The following CSMD1 variants were observed in gnomAD, a reference collection of about 807,000 sequenced individuals.
CSMD1 encodes CUB and sushi domain-containing protein 1.
CSMD1 carries 213 observed loss-of-function variants against 417.5 expected under a neutral mutation model. That is an observed-to-expected ratio of 0.51 (90% CI 0.46 to 0.57). The LOEUF (loss-of-function observed/expected upper bound fraction) is 0.57, where lower values mean the gene tolerates loss of function less well. Ranked by LOEUF, CSMD1 falls within the 20% of genes least tolerant of loss-of-function variation. The pLI, the probability that CSMD1 is intolerant of heterozygous loss-of-function variation, is 0.00. For synonymous variants in CSMD1, 2,862 were observed against 1,736.8 expected (o/e 1.65, Z -16.11); for missense variants, 6,923 against 4,529.7 (o/e 1.53, Z -15.17).
intron 2 of CSMD1, among the ~76,000 whole-genome samples, chr8:4,609,385 G>A (rs920594173): frequency 4.6e-5 from 7 of 152,014 alleles, no homozygotes; most frequent in Non-Finnish European, 8.8e-5. Flanking sequence ...TGGGTGACAG[G>A]GTGAGACCCT....
chr8:4,661,743 C>A (rs1228217023), intron 1 of CSMD1, among the ~76,000 whole-genome samples: 2 of 152,066 alleles, frequency 1.3e-5, no homozygotes, highest in Non-Finnish European at 2.9e-5. Context: ...AAAATATAGA[C>A]TAAGATCAAT....
At chr8:4,154,739 G>A (rs968880129) in intron 3 of CSMD1, among the ~76,000 whole-genome samples, 1 of 152,184 alleles carries the variant, frequency 6.6e-6, no homozygotes, top group Non-Finnish European at 1.5e-5. Context: ...CCTTATGCAA[G>A]TAAGGCTAAT....
intron 8 of CSMD1, among the ~76,000 whole-genome samples, chr8:3,608,062 C>T (rs1407993641): frequency 6.6e-6 from 1 of 151,836 alleles, no homozygotes; most frequent in Non-Finnish European, 1.5e-5. Flanking sequence ...ATGCCATCTA[C>T]TCAGGAGGCT....
chr8:3,832,826 T>C (rs1239233751), intron 5 of CSMD1, among the ~76,000 whole-genome samples: 1 of 152,068 alleles, frequency 6.6e-6, no homozygotes, highest in African/African-American at 2.4e-5. Context: ...AAAATAAAAA[T>C]CAATTTGTAT....
At chr8:3,937,525 T>C (rs1463169473) in intron 5 of CSMD1, among the ~76,000 whole-genome samples, 2 of 149,652 alleles carry the variant, frequency 1.3e-5, no homozygotes, top group Non-Finnish European at 1.5e-5. Context: ...TGATTGTACA[T>C]GTTTTTAAAA....
intron 3 of CSMD1, among the ~76,000 whole-genome samples, chr8:4,085,425 G>C (rs1196478530): frequency 1.3e-5 from 2 of 152,166 alleles, no homozygotes; most frequent in African/African-American, 2.4e-5. Context: ...TGGTGATTTT[G>C]ATTATTTAGA....
intron 5 of CSMD1, among the ~76,000 whole-genome samples, chr8:3,881,546 A>C (rs1453999266): frequency 6.7e-6 from 1 of 148,750 alleles, no homozygotes; most frequent in Non-Finnish European, 1.5e-5. Context: ...CTGAGGTTGC[A>C]TTGAGCCAAG....
chr8:3,548,818 G>C (rs567772784), intron 10 of CSMD1, among the ~76,000 whole-genome samples: 1 of 152,030 alleles, frequency 6.6e-6, no homozygotes, highest in South Asian at 2.1e-4. Flanking sequence ...CCCTTTCAGA[G>C]CAAAGCCACC....
intron 5 of CSMD1, among the ~76,000 whole-genome samples, chr8:3,975,670 A>G (rs1813383253): frequency 6.6e-6 from 1 of 152,186 alleles, no homozygotes; most frequent in South Asian, 2.1e-4. Flanking sequence ...CGATTCAGGA[A>G]ATGTACAGGA....
rs1806885580 is a variant in CSMD1, at chr8:4,693,141, C to T, written c.86-55583G>A. Among the ~76,000 whole-genome samples the T allele has an allele frequency of 2.0e-5, 3 of 152,190 alleles. No individual in the cohort carries two copies. In the South Asian group the frequency reaches 6.2e-4, roughly 32 times the overall value. On this transcript the variant is annotated intron_variant, in intron 1 of 69. Transcript: ENST00000635120. Reference sequence around the variant, plus strand: ...GAATCTTCTGAGTGTCAGGGTTGCTCTCCCTTCAAGCTCCTCTTAATTCCT... The same window carrying T: ...GAATCTTCTGAGTGTCAGGGTTGCTTTCCCTTCAAGCTCCTCTTAATTCCT...
At chr8:3,992,154 T>C (rs1461560994) in intron 5 of CSMD1, among the ~76,000 whole-genome samples, 1 of 150,922 alleles carries the variant, frequency 6.6e-6, no homozygotes, top group Non-Finnish European at 1.5e-5. Flanking sequence ...ACATATATTA[T>C]ATATATTTTT....
chr8:4,127,966 A>G (rs1228926436), intron 3 of CSMD1, among the ~76,000 whole-genome samples: 1 of 152,184 alleles, frequency 6.6e-6, no homozygotes, highest in Admixed American at 6.5e-5. Flanking sequence ...GCCTTGTGAT[A>G]TTGGTAAATG....
chr8:3,876,237 G>A (rs887242224), intron 5 of CSMD1, among the ~76,000 whole-genome samples: 1 of 152,184 alleles, frequency 6.6e-6, no homozygotes, highest in Non-Finnish European at 1.5e-5. Context: ...CGCTAAGCCA[G>A]ACGTTTAAAA....
chr8:4,317,206 T>G (rs1798984702), intron 3 of CSMD1, among the ~76,000 whole-genome samples: 1 of 152,198 alleles, frequency 6.6e-6, no homozygotes, highest in Admixed American at 6.5e-5. Flanking sequence ...GGTTATATTT[T>G]ATTTACATAA....
chr8:3,200,849 G>C (rs1454864212), intron 32 of CSMD1, among the ~76,000 whole-genome samples: 2 of 152,046 alleles, frequency 1.3e-5, no homozygotes, highest in Non-Finnish European at 2.9e-5. Flanking sequence ...AACATTAATT[G>C]GTCAAAGCTT....
intron 5 of CSMD1, among the ~76,000 whole-genome samples, chr8:3,904,087 T>C (rs1233683546): frequency 6.6e-6 from 1 of 152,172 alleles, no homozygotes; most frequent in Non-Finnish European, 1.5e-5. Flanking sequence ...TCAAAGATTG[T>C]ACATTATTTT....
At chr8:3,980,143 C>T (rs1182158503) in intron 5 of CSMD1, among the ~76,000 whole-genome samples, 17 of 152,092 alleles carry the variant, frequency 1.1e-4, no homozygotes, top group African/African-American at 2.9e-4. Flanking sequence ...TAGTGCTGTA[C>T]GGTTTATAGA....
chr8:4,287,537 T>G (rs1797126142), intron 3 of CSMD1, among the ~76,000 whole-genome samples: 1 of 152,266 alleles, frequency 6.6e-6, no homozygotes, highest in Non-Finnish European at 1.5e-5. Context: ...CTTCCCATTA[T>G]CGTTATAGAT....
intron 5 of CSMD1, among the ~76,000 whole-genome samples, chr8:3,866,712 G>A (rs1237127579): frequency 6.6e-6 from 1 of 152,014 alleles, no homozygotes; most frequent in African/African-American, 2.4e-5. Flanking sequence ...CCATAAGGTA[G>A]TCCTTGGCCA....
Sources: allele counts gnomAD v4.1 joint callset (sites outside exome capture counted in the v4.1 genomes callset), GRCh38; gene constraint gnomAD v4.1.1; transcripts MANE v1.5; gene names NCBI Gene and HGNC (gene_info 2026-07-23, HGNC 2026-07-21).